Variants in CDH18 observed in about 807,000 individuals in gnomAD.
CDH18 encodes the protein cadherin 18, also known as cadherin-18.
A neutral mutation model predicts 67.9 loss-of-function variants in CDH18; 31 were observed. That is an observed-to-expected ratio of 0.46 (90% CI 0.34 to 0.62). The LOEUF is 0.62. CDH18 is among the 20% of genes least tolerant of loss of function. The pLI, the probability that CDH18 is intolerant of heterozygous loss-of-function variation, is 0.01. For missense variants in CDH18, 890 were observed against 975.5 expected (o/e 0.91, Z 1.17); for synonymous variants, 362 against 347.2 (o/e 1.04, Z -0.48).
At chr5:19,579,635 A>C (rs1024544296) in intron 7 of CDH18, among the ~76,000 whole-genome samples, 4 of 151,774 alleles carry the variant, frequency 2.6e-5, no homozygotes, top group Admixed American at 2.0e-4. Flanking sequence ...ATGCTTATAG[A>C]TCTAATATTT....
At chr5:19,865,947 A>T (rs902523449) in intron 2 of CDH18, among the ~76,000 whole-genome samples, 5 of 152,104 alleles carry the variant, frequency 3.3e-5, no homozygotes, top group Admixed American at 2.6e-4. Flanking sequence ...GATCAGGAGC[A>T]TTTTTCAAAT....
intron 1 of CDH18, among the ~76,000 whole-genome samples, chr5:20,372,044 G>T (rs113463992): frequency 0.043 from 6,563 of 152,194 alleles, 163 homozygotes; most frequent in Non-Finnish European, 0.053. Flanking sequence ...CCTTGCATTG[G>T]TGAAGAAACA....
chr5:19,519,986 G>T (rs992382444), intron 10 of CDH18, among the ~76,000 whole-genome samples: 3 of 152,144 alleles, frequency 2.0e-5, no homozygotes, highest in Non-Finnish European at 4.4e-5. Context: ...GAAACTGTGA[G>T]ATAATAAATA....
chr5:20,495,199 A>G (rs1753834640), intron 1 of CDH18, among the ~76,000 whole-genome samples: 1 of 152,058 alleles, frequency 6.6e-6, no homozygotes, highest in African/African-American at 2.4e-5. Context: ...TTCTCTTCCA[A>G]TCTGAAAGTC....
intron 5 of CDH18, among the ~76,000 whole-genome samples, chr5:19,689,134 TC>T (rs1761505523): frequency 6.6e-6 from 1 of 152,022 alleles, no homozygotes; most frequent in Non-Finnish European, 1.5e-5. Context: ...ACTGAAAACC[TC>T]CTAAGTCTAG....
At chr5:19,499,832 T>C (rs1561205699) in intron 11 of CDH18, among the ~76,000 whole-genome samples, 1 of 152,148 alleles carries the variant, frequency 6.6e-6, no homozygotes, top group Non-Finnish European at 1.5e-5. Context: ...AATCTGTTTC[T>C]GTGCCCTTGC....
At chr5:19,966,054 T>G (rs931459823) in intron 2 of CDH18, among the ~76,000 whole-genome samples, 2 of 152,216 alleles carry the variant, frequency 1.3e-5, no homozygotes, top group Non-Finnish European at 2.9e-5. Context: ...GAATAAATTT[T>G]GTTGTGTGAG....
At chr5:19,857,606 A>G (rs1206658233) in intron 2 of CDH18, among the ~76,000 whole-genome samples, 3 of 152,166 alleles carry the variant, frequency 2.0e-5, no homozygotes, top group Non-Finnish European at 4.4e-5. Flanking sequence ...AGTAGCATTC[A>G]GGATCAGGTT....
At chr5:19,688,468 C>T (rs1015921235) in intron 5 of CDH18, among the ~76,000 whole-genome samples, 2 of 152,128 alleles carry the variant, frequency 1.3e-5, no homozygotes, top group Admixed American at 6.5e-5. Flanking sequence ...GAAGACTATA[C>T]TACTTAATGC....
At chr5:19,790,751 G>A (rs1215527139) in intron 3 of CDH18, among the ~76,000 whole-genome samples, 1 of 152,060 alleles carries the variant, frequency 6.6e-6, no homozygotes, top group Non-Finnish European at 1.5e-5. Flanking sequence ...GAGTTTATAC[G>A]GTGCACAGGG....
intron 2 of CDH18, among the ~76,000 whole-genome samples, chr5:19,900,964 C>T (rs184609756): frequency 5.9e-5 from 9 of 152,156 alleles, no homozygotes; most frequent in African/African-American, 1.9e-4. Context: ...TCAAGCAAAG[C>T]GGGTTGAAAT....
intron 2 of CDH18, among the ~76,000 whole-genome samples, chr5:20,103,208 T>C (rs1383781733): frequency 6.6e-6 from 1 of 152,182 alleles, no homozygotes; most frequent in East Asian, 1.9e-4. Flanking sequence ...CTGGAATATG[T>C]CTATCTTTTG....
At chr5:20,017,175 A>T (rs998201248) in intron 2 of CDH18, among the ~76,000 whole-genome samples, 1 of 152,186 alleles carries the variant, frequency 6.6e-6, no homozygotes, top group Non-Finnish European at 1.5e-5. Flanking sequence ...CTAAATACGT[A>T]CTGAAAAACC....
intron 3 of CDH18, among the ~76,000 whole-genome samples, chr5:19,752,757 A>G (rs567070481): frequency 6.6e-6 from 1 of 152,314 alleles, no homozygotes; most frequent in African/African-American, 2.4e-5. Context: ...ACCAAAGTTA[A>G]GAACACTCAC....
At chr5:20,011,370 T>A (rs903952143) in intron 2 of CDH18, among the ~76,000 whole-genome samples, 4 of 152,150 alleles carry the variant, frequency 2.6e-5, no homozygotes, top group Admixed American at 2.0e-4. Flanking sequence ...ACAATGGAGT[T>A]TTCTACATAT....
At chr5:20,116,834 CT>C (rs1202619150) in intron 2 of CDH18, among the ~76,000 whole-genome samples, 2 of 152,144 alleles carry the variant, frequency 1.3e-5, no homozygotes, top group African/African-American at 4.8e-5. Flanking sequence ...ATCAGAATAA[CT>C]GTATTTGGCA....
At chr5:20,125,713 T>C (rs776398974) in intron 2 of CDH18, among the ~76,000 whole-genome samples, 21 of 152,244 alleles carry the variant, frequency 1.4e-4, no homozygotes, top group Admixed American at 5.2e-4. Context: ...TTTTTTAAAA[T>C]TACAAGGCCA....
intron 1 of CDH18, among the ~76,000 whole-genome samples, chr5:20,419,003 T>C (rs1311659962): frequency 1.3e-5 from 2 of 151,978 alleles, no homozygotes; most frequent in Non-Finnish European, 1.5e-5. Flanking sequence ...GGGATATGGT[T>C]TGGCCGTGTC....
intron 5 of CDH18, among the ~76,000 whole-genome samples, chr5:19,635,929 T>C (rs1753083679): frequency 6.6e-6 from 1 of 152,166 alleles, no homozygotes. Context: ...TCAACATGTA[T>C]ATTTATTATA....
Sources: gnomAD v4.1 joint callset for allele counts (sites outside exome capture counted in the v4.1 genomes callset) on GRCh38, gnomAD v4.1.1 for gene constraint, MANE v1.5 for transcripts, NCBI Gene and HGNC (gene_info 2026-07-23, HGNC 2026-07-21) for gene names.